Variants in ABLIM3 observed in about 807,000 individuals in gnomAD.
ABLIM3 encodes actin binding LIM protein family member 3.
ABLIM3 carries 61 observed loss-of-function variants against 109.5 expected under a neutral mutation model. That is an observed-to-expected ratio of 0.56 (90% CI 0.45 to 0.69). ABLIM3 has a LOEUF of 0.69. Ranked by LOEUF, ABLIM3 falls within the 30% of genes least tolerant of loss-of-function variation. The pLI, the probability that ABLIM3 is intolerant of heterozygous loss-of-function variation, is 0.00. For synonymous variants in ABLIM3, 300 were observed against 324.8 expected, an observed-to-expected ratio of 0.92 and a Z score of 0.82; for missense variants, 796 against 889.5, an observed-to-expected ratio of 0.89 and a Z score of 1.34.
At chr5:149,199,381 G>A (rs1196547453) in intron 4 of ABLIM3, among the ~76,000 whole-genome samples, 1 of 152,182 alleles carries the variant, frequency 6.6e-6, no homozygotes, top group Non-Finnish European at 1.5e-5. Flanking sequence ...TAATGACAGA[G>A]TGTGTAAGAA....
chr5:149,205,731 G>T (rs527604772), intron 5 of ABLIM3, among the ~76,000 whole-genome samples: 13 of 152,194 alleles, frequency 8.5e-5, no homozygotes, highest in Non-Finnish European at 1.8e-4. Flanking sequence ...GGGGCTTGAA[G>T]CATTTTGCAA....
intron 9 of ABLIM3, among the ~76,000 whole-genome samples, chr5:149,230,909 C>T (rs1561613822): frequency 2.6e-5 from 4 of 152,168 alleles, no homozygotes; most frequent in Admixed American, 6.5e-5. Context: ...TATGAAAGCA[C>T]TCTGAAAACT....
chr5:149,239,988 T>C, intron 13 of ABLIM3, 100 bp downstream of exon 13: 1 of 1,444,254 alleles, frequency 6.9e-7, no homozygotes, highest in Non-Finnish European at 9.1e-7. Flanking sequence ...CCCCATGATC[T>C]CCATCACAGT....
chr5:149,161,417 T>A (rs1472164806), intron 2 of ABLIM3, among the ~76,000 whole-genome samples: 2 of 152,176 alleles, frequency 1.3e-5, no homozygotes, highest in Non-Finnish European at 2.9e-5. Flanking sequence ...TGGCTGTCTC[T>A]CTTGAAATCT....
chr5:149,166,929 A>T (rs562318477), intron 2 of ABLIM3, among the ~76,000 whole-genome samples: 2 of 152,214 alleles, frequency 1.3e-5, no homozygotes, highest in South Asian at 4.1e-4. Flanking sequence ...TCCCTGAGCC[A>T]TAGTTTGCTT....
intron 2 of ABLIM3, among the ~76,000 whole-genome samples, chr5:149,150,236 C>A (rs1195398421): frequency 6.6e-6 from 1 of 152,146 alleles, no homozygotes; most frequent in African/African-American, 2.4e-5. Context: ...TGATGACCTT[C>A]CTCTGCTAAT....
At chr5:149,165,681 T>G (rs1053253517) in intron 2 of ABLIM3, among the ~76,000 whole-genome samples, 13 of 152,198 alleles carry the variant, frequency 8.5e-5, no homozygotes, top group African/African-American at 3.1e-4. Flanking sequence ...TCATGTCTAC[T>G]GCACCTCCTG....
At chr5:149,166,304 A>C (rs544626357) in intron 2 of ABLIM3, among the ~76,000 whole-genome samples, 1 of 152,136 alleles carries the variant, frequency 6.6e-6, no homozygotes, top group Admixed American at 6.5e-5. Flanking sequence ...CTGACTTAAT[A>C]CAGTCATGCA....
At chr5:149,200,552 C>G (rs1758398009) in intron 5 of ABLIM3, 124 bp downstream of exon 5, 5 of 887,266 alleles carry the variant, frequency 5.6e-6, no homozygotes, top group East Asian at 2.6e-5. Flanking sequence ...AACCTGGAGG[C>G]CTCCTGCATC....
chr5:149,223,726 G>A (rs1357491812), intron 8 of ABLIM3, among the ~76,000 whole-genome samples: 2 of 152,186 alleles, frequency 1.3e-5, no homozygotes, highest in African/African-American at 4.8e-5. Flanking sequence ...AAGCTCAGCA[G>A]AGAAGTTCCA....
At chr5:149,203,227 A>G (rs1044937852) in intron 5 of ABLIM3, among the ~76,000 whole-genome samples, 1 of 151,858 alleles carries the variant, frequency 6.6e-6, no homozygotes, top group African/African-American at 2.4e-5. Flanking sequence ...GAACAATACC[A>G]TCAGTGCCAC....
intron 2 of ABLIM3, among the ~76,000 whole-genome samples, chr5:149,171,788 C>T (rs1755458946): frequency 6.6e-6 from 1 of 152,184 alleles, no homozygotes; most frequent in Non-Finnish European, 1.5e-5. Context: ...ATCAGTTTGG[C>T]CCCAATCCAT....
intron 2 of ABLIM3, among the ~76,000 whole-genome samples, chr5:149,171,353 G>A (rs1302561137): frequency 6.6e-6 from 1 of 152,096 alleles, no homozygotes; most frequent in Non-Finnish European, 1.5e-5. Flanking sequence ...CCATATGCCA[G>A]AAAATGTGAT....
intron 6 of ABLIM3, among the ~76,000 whole-genome samples, chr5:149,208,399 T>A (rs1759226960): frequency 1.5e-5 from 1 of 65,486 alleles, no homozygotes; most frequent in Admixed American, 1.4e-4. Flanking sequence ...TTTCTCTTTC[T>A]CTCTCTCTGT....
chr5:149,141,789 G>A (rs1008501024), intron 1 of ABLIM3, 135 bp downstream of exon 1: 7 of 454,050 alleles, frequency 1.5e-5, no homozygotes, highest in African/African-American at 1.4e-4. Flanking sequence ...CGCGCGAGCA[G>A]GCGCTGCCAA....
chr5:149,238,217 T>C (rs1187101447), intron 11 of ABLIM3, among the ~76,000 whole-genome samples: 1 of 152,014 alleles, frequency 6.6e-6, no homozygotes, highest in Non-Finnish European at 1.5e-5. Flanking sequence ...GGCAGCAGGG[T>C]TGGGGGCAGA....
intron 8 of ABLIM3, among the ~76,000 whole-genome samples, chr5:149,229,309 G>C (rs562579866): frequency 6.6e-6 from 1 of 152,100 alleles, no homozygotes; most frequent in African/African-American, 2.4e-5. Flanking sequence ...CAAGTATGTC[G>C]GCAGACAAAA....
chr5:149,251,435 CA>C lies in ABLIM3; in HGVS notation c.1849+17del, dbSNP rs754867597. ...GGCATGCGAGGTGAGTGCAGGCCTG[CA>C]GGGGGTCTGCAGGGAGAGTGCCTCC... On this transcript the variant is annotated intron_variant, in intron 21 of 23. Transcript: ENST00000309868. The C allele has an allele frequency of 3.7e-5, 60 of 1,613,206 alleles. No homozygotes were observed. Among genetic ancestry groups the C allele is most frequent in the Non-Finnish European group, 4.9e-5 (58 of 1,179,704 alleles).
rs188588320 is a variant in ABLIM3, at chr5:149,220,054, C to T, written c.757+3008C>T. ...TGGCTGTCTAATATGTAAAATAGAC[C>T]GAGAACAGTTGCTATAAGATATAGG... On this transcript the variant is annotated intron_variant, in intron 8 of 23. Transcript: ENST00000309868. The T allele has an allele frequency of 2.4e-4, 37 of 152,250 alleles. No homozygotes were observed. In the East Asian group the frequency reaches 5.4e-3, roughly 22 times the overall value. 9.4% of individuals were successfully genotyped at this position (152,250 alleles called of 1,614,324 possible).
Sources: gnomAD v4.1 joint callset for allele counts (sites outside exome capture counted in the v4.1 genomes callset) on GRCh38, gnomAD v4.1.1 for gene constraint, MANE v1.5 for transcripts, NCBI Gene and HGNC (gene_info 2026-07-23, HGNC 2026-07-21) for gene names.